The following GLIS1 variants were observed in gnomAD, a reference collection of about 807,000 sequenced individuals.
GLIS1 encodes GLIS family zinc finger 1.
In GLIS1, 24 loss-of-function variants were observed where a neutral mutation model predicts 63.8. That is an observed-to-expected ratio of 0.38 (90% CI 0.27 to 0.53). The LOEUF (loss-of-function observed/expected upper bound fraction) is 0.53, where lower values mean the gene tolerates loss of function less well. Among genes scored for constraint, GLIS1 ranks in the 20% least tolerant of loss-of-function variants. The probability of loss-of-function intolerance (pLI) is 0.85; values close to 1 mark genes in which losing one functional copy is unlikely to be tolerated. For synonymous variants in GLIS1, 450 were observed against 482.5 expected (o/e 0.93, Z 0.88); for missense variants, 1,036 against 1,074.1 (o/e 0.96, Z 0.50).
intron 4 of GLIS1, among the ~76,000 whole-genome samples, chr1:53,562,146 G>A (rs558347144): frequency 1.4e-3 from 219 of 152,336 alleles, no homozygotes; most frequent in Non-Finnish European, 2.6e-3. Context: ...GCAACAGGGC[G>A]TCTGAATTTG....
chr1:53,538,506 T>C (rs1644605342), intron 4 of GLIS1, among the ~76,000 whole-genome samples: 1 of 152,154 alleles, frequency 6.6e-6, no homozygotes, highest in Non-Finnish European at 1.5e-5. Context: ...TGGGTTCACC[T>C]CCAGTGCCGA....
At position 53,600,138 on chromosome 1, in the gene GLIS1, C is replaced by A; in HGVS notation, c.400G>T (p.Ala134Ser). 8.1e-7 allele frequency: 1 copy of A among 1,231,972 alleles called. No homozygotes were observed. The highest frequency in any genetic ancestry group is 1.0e-6 in the Non-Finnish European group (1 of 987,754). The allele number at this position is 1,231,972 out of a possible 1,614,324, so 76.3% of individuals were successfully genotyped here. ...GGGAAATGCAGCAGCCTCTCACAAG[C>A]TTGGGGGTGAGCCCGGGGCGGTGGG... ...GSPPPRAHPQ[A>S]CERLLHFPHP... is the part of the protein sequence containing the mutation. Residue 134 changes from alanine to serine, a missense_variant, in exon 3 of 11, where the codon GCT becomes TCT. Physicochemically the swap from Ala to Ser is moderately conservative, Grantham distance 99 (BLOSUM62 1). Around this residue, in one of 3 missense-constraint regions of GLIS1, gnomAD observed 592 missense variants for 593.9 expected, o/e 1.00. Coordinates refer to ENST00000628545, the MANE Select transcript of GLIS1 (RefSeq NM_001367484.1).
At chr1:53,513,300 C>G (rs984543815) in intron 8 of GLIS1, among the ~76,000 whole-genome samples, 1 of 152,156 alleles carries the variant, frequency 6.6e-6, no homozygotes, top group African/African-American at 2.4e-5. Flanking sequence ...CACAGTCCAC[C>G]CCACCCCTGC....
At chr1:53,666,763 C>A (rs142490539) in intron 2 of GLIS1, among the ~76,000 whole-genome samples, 1 of 152,092 alleles carries the variant, frequency 6.6e-6, no homozygotes, top group Non-Finnish European at 1.5e-5. Flanking sequence ...CCCTTCCCAT[C>A]GGCAGGTCTG....
At chr1:53,653,140 G>T (rs1296929428) in intron 2 of GLIS1, among the ~76,000 whole-genome samples, 1 of 152,214 alleles carries the variant, frequency 6.6e-6, no homozygotes, top group Non-Finnish European at 1.5e-5. Flanking sequence ...AAGTGCAGAG[G>T]TCCTGAGCAC....
In GLIS1 at chr1:53,574,769, A is replaced by C. The variant is rs1037459886; in HGVS notation, c.1320+19339T>G. Among the ~76,000 whole-genome samples the C allele has an allele frequency of 1.3e-5, 2 of 152,190 alleles. No homozygotes were observed. Among genetic ancestry groups the C allele is most frequent in the Admixed American group, 6.5e-5 (1 of 15,286 alleles). On this transcript the variant is annotated intron_variant, in intron 4 of 10. Transcript: ENST00000628545. This position sits in a 1 kb window ranked among gnomAD's most constrained non-coding sequence, Gnocchi z 4.2. ...ATTAGCAAGGGGCACTGTGATCCTC[A>C]TGGGGCCATGGGGTCTAGCTGTGAA... is the stretch of plus-strand genomic sequence containing the variant.
intron 4 of GLIS1, among the ~76,000 whole-genome samples, chr1:53,593,513 C>T (rs935265391): frequency 1.3e-5 from 2 of 152,214 alleles, no homozygotes; most frequent in African/African-American, 4.8e-5. Flanking sequence ...GTCTCAACTC[C>T]AGGAAGAACG....
chr1:53,600,181 C>T lies in GLIS1; in HGVS notation c.357G>A (p.Leu119=). 8.1e-7 allele frequency: 1 copy of T among 1,231,818 alleles called. No individual in the cohort carries two copies. 76.3% of individuals were successfully genotyped at this position (1,231,818 alleles called of 1,614,324 possible). A position where few individuals can be genotyped will look rare whatever the true frequency, so the allele number is the denominator to read the frequency against. The change falls in exon 3 of 11, where the codon CTG becomes CTA. Residue 119 remains leucine (L), a synonymous_variant. Transcript: ENST00000628545. The part of the protein sequence containing the change: ...EGPGPTCCQG[L]FLPAGSPPPR... ...GCGGTGGGCTTCCTGCAGGGAGAAA[C>T]AGGCCCTGGCAGCAGGTGGGGCCAG...
At chr1:53,654,062 T>G (rs774196026) in intron 2 of GLIS1, among the ~76,000 whole-genome samples, 1 of 152,148 alleles carries the variant, frequency 6.6e-6, no homozygotes, top group Non-Finnish European at 1.5e-5. Context: ...CCACCTAGCT[T>G]GGGACTGAGA....
Position 53,594,597 on chromosome 1 carries a change from A to C in GLIS1, c.831T>G (p.Asn277Lys). The C allele has an allele frequency of 6.3e-7, 1 of 1,587,398 alleles. No homozygotes were observed. The highest frequency in any genetic ancestry group is 8.6e-7 in the Non-Finnish European group (1 of 1,163,390). Residue 277 changes from asparagine to lysine, a missense_variant, in exon 4 of 11, where the codon AAT becomes AAG. By Grantham distance (94) the Asn-to-Lys change is moderately conservative (BLOSUM62 0). Coordinates refer to ENST00000628545, the MANE Select transcript of GLIS1 (RefSeq NM_001367484.1). ...CCGTCAGAGGGGGGCTCCGGAGTCC[A>C]TTTACACAGGTGACCAGAGACGTCT... ...SSQTSLVTCV[N>K]GLRSPPLTGD...
chr1:53,593,017 T>C (rs138231348), intron 4 of GLIS1, among the ~76,000 whole-genome samples: 8 of 152,388 alleles, frequency 5.2e-5, no homozygotes, highest in African/African-American at 1.9e-4. Context: ...GGGCTCTGAA[T>C]GGGGACACTA....
intron 7 of GLIS1, among the ~76,000 whole-genome samples, chr1:53,518,527 A>G (rs1196430708): frequency 6.6e-6 from 1 of 152,202 alleles, no homozygotes; most frequent in Non-Finnish European, 1.5e-5. Flanking sequence ...TCAGTCACAT[A>G]GGGTTTATGT....
chr1:53,645,286 C>T (rs1645832448), intron 2 of GLIS1, among the ~76,000 whole-genome samples: 2 of 152,166 alleles, frequency 1.3e-5, no homozygotes, highest in Non-Finnish European at 2.9e-5. Flanking sequence ...TAGCCCTCTC[C>T]AACACTTCCT....
At chr1:53,684,345 C>G (rs1319467375) in intron 2 of GLIS1, among the ~76,000 whole-genome samples, 2 of 152,176 alleles carry the variant, frequency 1.3e-5, no homozygotes, top group African/African-American at 4.8e-5. Flanking sequence ...GCCGATTTTC[C>G]TAACCCTGGG....
intron 2 of GLIS1, among the ~76,000 whole-genome samples, chr1:53,736,621 C>T (rs538397387): frequency 2.6e-5 from 4 of 152,260 alleles, no homozygotes; most frequent in African/African-American, 9.6e-5. Context: ...TGTATCTGTC[C>T]TTCTAAAATA....
chr1:53,707,754 T>A (rs954893397), intron 2 of GLIS1, among the ~76,000 whole-genome samples: 4 of 152,032 alleles, frequency 2.6e-5, no homozygotes, highest in Non-Finnish European at 4.4e-5. Flanking sequence ...GGTCTCAGTA[T>A]GTTGCCCAGG....
chr1:53,647,627 T>A (rs956113308), intron 2 of GLIS1, among the ~76,000 whole-genome samples: 1 of 150,486 alleles, frequency 6.6e-6, no homozygotes, highest in African/African-American at 2.5e-5. Context: ...AAAATAAGCT[T>A]GTAAAAGAAA....
At chr1:53,578,811 A>T (rs1645056918) in intron 4 of GLIS1, among the ~76,000 whole-genome samples, 1 of 152,228 alleles carries the variant, frequency 6.6e-6, no homozygotes, top group Non-Finnish European at 1.5e-5. Flanking sequence ...TAAGGAACAA[A>T]ATCAACTGTA....
At chr1:53,714,044 C>G (rs539881543) in intron 2 of GLIS1, among the ~76,000 whole-genome samples, 1 of 152,296 alleles carries the variant, frequency 6.6e-6, no homozygotes, top group South Asian at 2.1e-4. Flanking sequence ...TCCAACCTCC[C>G]CCTTCTCCTC....
Sources: gnomAD v4.1 joint callset for allele counts (sites outside exome capture counted in the v4.1 genomes callset) on GRCh38, gnomAD v4.1.1 for gene constraint, gnomAD v4.1.1 regional missense constraint, Gnocchi (gnomAD v3.1) non-coding constraint, MANE v1.5 for transcripts, NCBI Gene and HGNC (gene_info 2026-07-23, HGNC 2026-07-21) for gene names.